Variants in RANBP3 observed in about 807,000 individuals in gnomAD.
RANBP3 encodes RAN binding protein 3.
Under a neutral mutation model 77.3 loss-of-function variants are expected in RANBP3, and 14 were observed. The ratio of observed to expected loss-of-function variants is 0.18; its 90% CI spans 0.12 to 0.28. The LOEUF (loss-of-function observed/expected upper bound fraction) is 0.28, where lower values mean the gene tolerates loss of function less well. Among genes scored for constraint, RANBP3 ranks in the 10% least tolerant of loss-of-function variants. The probability of loss-of-function intolerance (pLI) is 1.00; values close to 1 mark genes in which losing one functional copy is unlikely to be tolerated. For missense variants in RANBP3, 586 were observed against 752.3 expected (o/e 0.78, Z 2.59); for synonymous variants, 315 against 312.4 (o/e 1.01, Z -0.09).
chr19:5,932,866 A>T, intron 6 of RANBP3: 1 of 379,004 alleles, frequency 2.6e-6, no homozygotes, highest in East Asian at 5.8e-5. Context: ...ACAGGCAGCT[A>T]CCTGGAGGCT....
chr19:5,960,336 G>A (rs982248300), intron 1 of RANBP3, among the ~76,000 whole-genome samples: 6 of 152,336 alleles, frequency 3.9e-5, no homozygotes, highest in African/African-American at 1.4e-4. Context: ...AGCCACTGCA[G>A]ACTGAATTAC....
chr19:5,940,823 G>A (rs1308643873), intron 5 of RANBP3, among the ~76,000 whole-genome samples: 2 of 152,260 alleles, frequency 1.3e-5, no homozygotes, highest in African/African-American at 2.4e-5. Context: ...AGACGGGGAC[G>A]AGAGAATAGC....
intron 3 of RANBP3, among the ~76,000 whole-genome samples, chr19:5,947,646 G>A (rs1245104575): frequency 6.6e-6 from 1 of 152,254 alleles, no homozygotes; most frequent in African/African-American, 2.4e-5. Context: ...AGTGAACAGA[G>A]CAGGCTCAGA....
At chr19:5,976,743 A>C (rs1482311154) in intron 1 of RANBP3, among the ~76,000 whole-genome samples, 3 of 152,204 alleles carry the variant, frequency 2.0e-5, no homozygotes, top group Admixed American at 6.5e-5. Context: ...ACTCCGTCCC[A>C]AAAAATAAAA....
chr19:5,945,228 C>T (rs188474481), intron 3 of RANBP3, among the ~76,000 whole-genome samples: 37 of 152,334 alleles, frequency 2.4e-4, no homozygotes, highest in Middle Eastern at 3.4e-3. Flanking sequence ...GACCTGAGTC[C>T]GGCCTTACAG....
chr19:5,939,061 T>G (rs948118516), intron 5 of RANBP3, among the ~76,000 whole-genome samples: 1 of 152,120 alleles, frequency 6.6e-6, no homozygotes, highest in South Asian at 2.1e-4. Context: ...GGTGTGCGCC[T>G]GTAATCCCAG....
intron 14 of RANBP3, among the ~76,000 whole-genome samples, chr19:5,919,072 C>T (rs939177683): frequency 2.6e-5 from 4 of 152,232 alleles, no homozygotes; most frequent in African/African-American, 4.8e-5. Context: ...TGTGAGACAT[C>T]GGCCTCCATG....
chr19:5,969,845 T>G (rs570618598), intron 1 of RANBP3, among the ~76,000 whole-genome samples: 97 of 152,378 alleles, frequency 6.4e-4, no homozygotes, highest in African/African-American at 2.3e-3. Context: ...AGGAAAAGAC[T>G]GTTCTTCCTG....
chr19:5,952,179 C>T lies in RANBP3; in HGVS notation c.79-583G>A, dbSNP rs1480039193. On this transcript the variant is annotated intron_variant, in intron 2 of 16. Transcript: ENST00000340578. The surrounding 1 kb of genome is among the most constrained non-coding windows in gnomAD (Gnocchi z 4.1). ...ACACCCAGGATCCAGAAAGTGCTTT[C>T]CCACCTCGGTGAGTGCAAGTGTGGG... is the stretch of plus-strand genomic sequence containing the variant. Among the ~76,000 whole-genome samples the T allele has an allele frequency of 3.9e-5, 6 of 152,182 alleles. No homozygotes were observed. Among genetic ancestry groups the T allele is most frequent in the Non-Finnish European group, 1.5e-5 (1 of 68,040 alleles).
At chr19:5,939,834 T>C (rs1324562178) in intron 5 of RANBP3, among the ~76,000 whole-genome samples, 2 of 152,164 alleles carry the variant, frequency 1.3e-5, no homozygotes, top group Non-Finnish European at 2.9e-5. Flanking sequence ...TCAACTCTGG[T>C]CAACTGGGGG....
In RANBP3 at chr19:5,924,733, A is replaced by ACGACACAG; in HGVS notation, c.996+86_996+93dup. The stretch of plus-strand genomic sequence containing the variant: ...TGAAGGCATCCCCATCTCACATAGG[A>ACGACACAG]CGACACAGCAGCCCTGCTCTCCATG... On this transcript the variant is annotated intron_variant, in intron 11 of 16. Transcript: ENST00000340578. This position sits in a 1 kb window ranked among gnomAD's most constrained non-coding sequence, Gnocchi z 4.7. 7.8e-7 allele frequency: 1 copy of ACGACACAG among 1,275,050 alleles called. No individual in the cohort carries two copies. Among genetic ancestry groups the ACGACACAG allele is most frequent in the Non-Finnish European group, 1.1e-6 (1 of 875,736 alleles). 79.0% of individuals were successfully genotyped at this position (1,275,050 alleles called of 1,614,324 possible).
rs752393209 is a variant in RANBP3, at chr19:5,925,781, G to A, written c.814-44C>T. On this transcript the variant is annotated intron_variant, in intron 9 of 16. Coordinates refer to ENST00000340578, the MANE Select transcript of RANBP3 (RefSeq NM_007322.3). The stretch of plus-strand genomic sequence containing the variant: ...GCTCAGTAATCGGGGGTGGGGGGGT[G>A]CCTGGAGTTCCACAGCTCAGTGTCT... 2.1e-5 allele frequency: 32 copies of A among 1,522,678 alleles called. No homozygotes were observed. The Admixed American group carries it at 4.0e-4, about 19-fold the overall frequency. 94.3% of individuals were successfully genotyped at this position (1,522,678 alleles called of 1,614,324 possible). A position where few individuals can be genotyped will look rare whatever the true frequency, so the allele number is the denominator to read the frequency against.
chr19:5,976,047 T>C (rs1341284874), intron 1 of RANBP3, among the ~76,000 whole-genome samples: 1 of 151,968 alleles, frequency 6.6e-6, no homozygotes, highest in East Asian at 1.9e-4. Context: ...TGGGGAGAAG[T>C]GGTGGTCCCC....
At chr19:5,936,805 G>A (rs1244163514) in intron 5 of RANBP3, among the ~76,000 whole-genome samples, 1 of 152,244 alleles carries the variant, frequency 6.6e-6, no homozygotes, top group Non-Finnish European at 1.5e-5. Flanking sequence ...AAGCTCGCCT[G>A]TCTATGTTGA....
At chr19:5,974,784 A>C (rs1251383205) in intron 1 of RANBP3, among the ~76,000 whole-genome samples, 1 of 152,094 alleles carries the variant, frequency 6.6e-6, no homozygotes, top group Non-Finnish European at 1.5e-5. Flanking sequence ...CCCAGAACCC[A>C]CCCAACACCA....
Position 5,921,470 on chromosome 19 carries a change from T to C in RANBP3, c.1210-149A>G. Reference sequence around the variant, plus strand: ...CCTTGGTCAGTTTTTTGTCCTGCCCTCAAGCTAGAACAGGCTTTACATTGT... The same window carrying C: ...CCTTGGTCAGTTTTTTGTCCTGCCCCCAAGCTAGAACAGGCTTTACATTGT... On this transcript the variant is annotated intron_variant, in intron 13 of 16. Transcript: ENST00000340578. This position sits in a 1 kb window ranked among gnomAD's most constrained non-coding sequence, Gnocchi z 5.3. The C allele has an allele frequency of 1.2e-6, 1 of 860,034 alleles. No individual in the cohort carries two copies. Among genetic ancestry groups the C allele is most frequent in the Non-Finnish European group, 1.8e-6 (1 of 563,738 alleles). The allele number at this position is 860,034 out of a possible 1,614,324, so 53.3% of individuals were successfully genotyped here.
intron 3 of RANBP3, among the ~76,000 whole-genome samples, 193 bp downstream of exon 3, chr19:5,951,200 G>A (rs2058269875): frequency 6.6e-6 from 1 of 152,214 alleles, no homozygotes; most frequent in Admixed American, 6.5e-5. Flanking sequence ...AAGGCTAAAA[G>A]GGGATTCGAT....
intron 3 of RANBP3, among the ~76,000 whole-genome samples, chr19:5,949,553 T>C (rs1475382797): frequency 6.6e-6 from 1 of 152,232 alleles, no homozygotes; most frequent in Non-Finnish European, 1.5e-5. Flanking sequence ...GTTATGCACA[T>C]GGCCACCAGA....
At chr19:5,963,320 C>T (rs964003187) in intron 1 of RANBP3, among the ~76,000 whole-genome samples, 6 of 152,052 alleles carry the variant, frequency 3.9e-5, no homozygotes, top group African/African-American at 7.2e-5. Context: ...GGGAGGGTGA[C>T]GAGGGAGGAT....
Sources: allele counts gnomAD v4.1 joint callset (sites outside exome capture counted in the v4.1 genomes callset), GRCh38; gene constraint gnomAD v4.1.1; non-coding constraint Gnocchi (gnomAD v3.1); transcripts MANE v1.5; gene names NCBI Gene and HGNC (gene_info 2026-07-23, HGNC 2026-07-21).